ALDH3B2: variants seen among roughly 807,000 people sequenced by gnomAD.
ALDH3B2 encodes the protein aldehyde dehydrogenase 3 family member B2.
ALDH3B2 carries 45 observed loss-of-function variants against 36.7 expected under a neutral mutation model. That is an observed-to-expected ratio of 1.23 (90% confidence interval 0.97 to 1.57). The LOEUF is 1.57. ALDH3B2 is among the 40% of genes most tolerant of loss of function. ALDH3B2 has a pLI of 0.00. For synonymous variants in ALDH3B2, 217 were observed against 226.5 expected, an observed-to-expected ratio of 0.96 and a Z score of 0.38; for missense variants, 464 against 513.3, an observed-to-expected ratio of 0.90 and a Z score of 0.93.
intron 2 of ALDH3B2, among the ~76,000 whole-genome samples, 185 bp downstream of exon 2, chr11:67,667,288 G>A (rs979883456): frequency 4.6e-5 from 2 of 43,718 alleles, no homozygotes; most frequent in Admixed American, 6.8e-4. Context: ...GCATCACAGG[G>A]TGGCTGTGAG....
chr11:67,680,592 TA>T (rs1856352279), intron 1 of ALDH3B2, among the ~76,000 whole-genome samples: 1 of 152,114 alleles, frequency 6.6e-6, no homozygotes, highest in Admixed American at 6.6e-5. Context: ...AATTTTTGTA[TA>T]TTTTTTAGAG....
At chr11:67,679,400 G>A (rs1024243940), upstream of ALDH3B2, among the ~76,000 whole-genome samples, 1 of 151,554 alleles carries the variant, frequency 6.6e-6, no homozygotes, top group African/African-American at 2.4e-5. Context: ...AAATCTGGGA[G>A]GTGGAGGTTG....
upstream of ALDH3B2, among the ~76,000 whole-genome samples, chr11:67,678,705 G>GTC (rs200393490): frequency 6.2e-5 from 3 of 48,266 alleles, no homozygotes; most frequent in Non-Finnish European, 1.1e-4. Flanking sequence ...ACACTATGGT[G>GTC]TCTATATATA....
At chr11:67,667,622 C>T (rs1407336584) in exon 2 of ALDH3B2, 3 of 348,248 alleles carry the variant, frequency 8.6e-6, no homozygotes, top group Non-Finnish European at 1.4e-5. Flanking sequence ...AGCGTGTCCT[C>T]GAAGGGGTCC....
At chr11:67,673,177 G>C (rs368395367) in intron 1 of ALDH3B2, among the ~76,000 whole-genome samples, 2 of 151,982 alleles carry the variant, frequency 1.3e-5, no homozygotes, top group African/African-American at 4.8e-5. Context: ...TGATCCGCCC[G>C]CCTCGGCCTC....
At chr11:67,679,774 C>A (rs536477149) in intron 1 of ALDH3B2, among the ~76,000 whole-genome samples, 5 of 151,892 alleles carry the variant, frequency 3.3e-5, no homozygotes, top group Non-Finnish European at 7.4e-5. Context: ...TTAATAAGAG[C>A]CTATATGACC....
chr11:67,664,960 G>A (rs1391326628), intron 7 of ALDH3B2, among the ~76,000 whole-genome samples: 1 of 152,184 alleles, frequency 6.6e-6, no homozygotes, highest in Non-Finnish European at 1.5e-5. Context: ...TTAGAACCTG[G>A]GGATCATGGG....
intron 7 of ALDH3B2, 44 bp downstream of exon 7, chr11:67,665,241 A>C (rs375854710): frequency 1.3e-4 from 195 of 1,548,178 alleles, no homozygotes; most frequent in Admixed American, 2.0e-5. Context: ...CCATTGAGAA[A>C]GGGTCTTGGC....
intron 7 of ALDH3B2, among the ~76,000 whole-genome samples, chr11:67,664,797 C>T (rs1483897738): frequency 6.6e-6 from 1 of 152,238 alleles, no homozygotes; most frequent in African/African-American, 2.4e-5. Context: ...AGAGAATCCC[C>T]CGACCTTGGT....
chr11:67,666,538 G>T, intron 4 of ALDH3B2, 36 bp downstream of exon 4: 1 of 1,613,064 alleles, frequency 6.2e-7, no homozygotes, highest in Admixed American at 1.7e-5. Flanking sequence ...GGGCTACTGG[G>T]CGGGGAGAGC....
exon 10 of ALDH3B2, chr11:67,662,420 C>A (rs1392280405): frequency 6.6e-6 from 1 of 152,254 alleles, no homozygotes; most frequent in Non-Finnish European, 1.5e-5. Context: ...TGAGGACGTG[C>A]TTTCCATACG....
intron 8 of ALDH3B2, 174 bp downstream of exon 8, chr11:67,664,222 T>C (rs1310308566): frequency 7.6e-6 from 8 of 1,052,010 alleles, no homozygotes; most frequent in Non-Finnish European, 1.1e-5. Flanking sequence ...TTGGACCCTG[T>C]CCTCTCTGCC....
At chr11:67,665,392 T>C (rs1410939724) in exon 7 of ALDH3B2, 1 of 1,613,764 alleles carries the variant, frequency 6.2e-7, no homozygotes, top group African/African-American at 1.3e-5. Context: ...GTGGCCCAGG[T>C]TTGGGGAGCT....
chr11:67,664,540 C>T (rs1027532860), exon 8 of ALDH3B2: 1 of 1,613,488 alleles, frequency 6.2e-7, no homozygotes, highest in Non-Finnish European at 8.5e-7. Flanking sequence ...CCGTCTCCTG[C>T]ACGTCCACCA....
At chr11:67,663,186 G>C (rs1209268488) in exon 10 of ALDH3B2, 1 of 1,578,762 alleles carries the variant, frequency 6.3e-7, no homozygotes, top group Non-Finnish European at 8.6e-7. Context: ...AGGTTTCTCT[G>C]TGTGACCCGT....
chr11:67,664,381 C>A lies in ALDH3B2; in HGVS notation c.873+15G>T. On this transcript the variant is annotated intron_variant, in intron 8 of 9. Coordinates refer to ENST00000349015, the Ensembl canonical transcript of ALDH3B2. ...TTCAGCCCCTCCATTGCCCCCAACC[C>A]GGCCGCACCCCCACCTGGCTGCTGT... 6.2e-7 allele frequency: 1 copy of A among 1,613,866 alleles called. No homozygotes were observed.
intron 1 of ALDH3B2, among the ~76,000 whole-genome samples, chr11:67,670,795 C>G (rs1438019341): frequency 6.6e-6 from 1 of 152,202 alleles, no homozygotes; most frequent in Non-Finnish European, 1.5e-5. Context: ...GACCCCCACA[C>G]TCAGTGTGCG....
chr11:67,669,526 G>C (rs1049092128), intron 1 of ALDH3B2, among the ~76,000 whole-genome samples: 1 of 150,416 alleles, frequency 6.6e-6, no homozygotes, highest in Non-Finnish European at 1.5e-5. Context: ...GGGTGTCTGT[G>C]TATGTATCAG....
At chr11:67,676,421 A>G (rs1370685483), upstream of ALDH3B2, among the ~76,000 whole-genome samples, 1 of 152,068 alleles carries the variant, frequency 6.6e-6, no homozygotes, top group Non-Finnish European at 1.5e-5. Flanking sequence ...GACAACAGTG[A>G]CACAACCTAT....
Sources: gnomAD v4.1 joint callset for allele counts (sites outside exome capture counted in the v4.1 genomes callset) on GRCh38, gnomAD v4.1.1 for gene constraint, MANE v1.5 for transcripts, NCBI Gene and HGNC (gene_info 2026-07-23, HGNC 2026-07-21) for gene names.